The following HERC4 variants were observed in gnomAD, a reference collection of about 807,000 sequenced individuals.
HERC4 encodes the protein probable E3 ubiquitin-protein ligase HERC4.
Under a neutral mutation model 124.3 loss-of-function variants are expected in HERC4, and 28 were observed. That is an observed-to-expected ratio of 0.23 (90% CI 0.17 to 0.31). The LOEUF (loss-of-function observed/expected upper bound fraction) is 0.31, where lower values mean the gene tolerates loss of function less well. Ranked by LOEUF, HERC4 falls within the 10% of genes least tolerant of loss-of-function variation. The probability of loss-of-function intolerance (pLI) is 1.00; values close to 1 mark genes in which losing one functional copy is unlikely to be tolerated. For synonymous variants in HERC4, 407 were observed against 421.5 expected (o/e 0.97, Z 0.42); for missense variants, 713 against 1,229.3 (o/e 0.58, Z 6.28).
At chr10:68,039,728 G>C (rs1474581867) in intron 4 of HERC4, 1 of 1,306,040 alleles carries the variant, frequency 7.7e-7, no homozygotes, top group Non-Finnish European at 9.8e-7. Context: ...TGCAAACAGA[G>C]TAAGGAATAA....
intron 19 of HERC4, among the ~76,000 whole-genome samples, chr10:67,942,533 T>C (rs1159874873): frequency 6.6e-6 from 1 of 152,134 alleles, no homozygotes; most frequent in African/African-American, 2.4e-5. Context: ...GTTTTTGAGA[T>C]GGAGTTTCAC....
intron 3 of HERC4, among the ~76,000 whole-genome samples, chr10:68,047,635 T>C (rs1169207911): frequency 2.0e-5 from 3 of 152,204 alleles, no homozygotes; most frequent in Non-Finnish European, 2.9e-5. Context: ...ATTTAACTTA[T>C]ATGTTCAACT....
chr10:68,015,428 G>C (rs760721646), intron 8 of HERC4, among the ~76,000 whole-genome samples: 1 of 152,172 alleles, frequency 6.6e-6, no homozygotes. Flanking sequence ...CTAGGTTTTG[G>C]AGTCGTTCTG....
At chr10:67,983,075 C>CAAAAA (rs60021463) in intron 15 of HERC4, among the ~76,000 whole-genome samples, 3 of 76,770 alleles carry the variant, frequency 3.9e-5, no homozygotes, top group Non-Finnish European at 8.7e-5. Context: ...TTGCACTGAG[C>CAAAAA]AAAAAAAAAA....
intron 3 of HERC4, among the ~76,000 whole-genome samples, chr10:68,058,195 C>G (rs1176417312): frequency 6.6e-6 from 1 of 152,082 alleles, no homozygotes; most frequent in Non-Finnish European, 1.5e-5. Flanking sequence ...AGCATTACCT[C>G]TAAGTACCAT....
chr10:67,996,713 G>T, intron 9 of HERC4, among the ~76,000 whole-genome samples: 1 of 151,974 alleles, frequency 6.6e-6, no homozygotes, highest in Admixed American at 6.6e-5. Context: ...GGCCAGGCGC[G>T]GTGGCTCACA....
intron 24 of HERC4, among the ~76,000 whole-genome samples, chr10:67,924,445 A>G (rs934786589): frequency 2.0e-5 from 3 of 152,156 alleles, no homozygotes; most frequent in Non-Finnish European, 4.4e-5. Flanking sequence ...CTAGGCTACA[A>G]ACCTGTACAG....
chr10:68,061,879 T>TAAAAA (rs71470503), intron 3 of HERC4, among the ~76,000 whole-genome samples: 738 of 54,816 alleles, frequency 0.013, 28 homozygotes, highest in East Asian at 0.061. Context: ...AGACTCCATT[T>TAAAAA]AAAAAAAAAA....
At chr10:68,061,510 G>A (rs976185913) in intron 3 of HERC4, among the ~76,000 whole-genome samples, 4 of 132,704 alleles carry the variant, frequency 3.0e-5, no homozygotes, top group African/African-American at 1.1e-4. Context: ...TCCAGCCTGG[G>A]CGACAGAGCA....
intron 19 of HERC4, among the ~76,000 whole-genome samples, chr10:67,945,717 T>C (rs4303129): frequency 0.54 from 81,680 of 151,772 alleles, 23,581 homozygotes; most frequent in Non-Finnish European, 0.66. Context: ...AAGCATAAAG[T>C]TTTTATTAGT....
chr10:67,952,894 A>C lies in HERC4; in HGVS notation c.2337+1701T>G, dbSNP rs2033896415. On this transcript the variant is annotated intron_variant, in intron 19 of 24. Coordinates refer to ENST00000373700, the MANE Select transcript of HERC4 (RefSeq NM_015601.4). ...CAGCCTGGGCGACAGAGGGAGACTCAGTCTCAAAAAAAAAGAAAAAAAAAA... is the reference window on the plus strand; with the variant it reads ...CAGCCTGGGCGACAGAGGGAGACTCCGTCTCAAAAAAAAAGAAAAAAAAAA... Among the ~76,000 whole-genome samples, 2 of 150,308 alleles carry C rather than the reference A, an allele frequency of 1.3e-5. 1 individual carries two copies. Among genetic ancestry groups the C allele is most frequent in the Admixed American group, 1.3e-4 (2 of 15,074 alleles).
chr10:67,977,300 A>G (rs2035651210), intron 15 of HERC4, among the ~76,000 whole-genome samples: 2 of 152,178 alleles, frequency 1.3e-5, no homozygotes, highest in South Asian at 4.1e-4. Flanking sequence ...ATTTCTAGAT[A>G]CACAGTGGCC....
chr10:68,070,218 G>A (rs529314154), intron 3 of HERC4: 1 of 983,682 alleles, frequency 1.0e-6, no homozygotes, highest in East Asian at 1.1e-4. Flanking sequence ...TTTAAAAAGG[G>A]GTTGGGGAAA....
At chr10:68,024,188 G>A (rs2038786920) in intron 8 of HERC4, among the ~76,000 whole-genome samples, 1 of 151,986 alleles carries the variant, frequency 6.6e-6, no homozygotes, top group Admixed American at 6.6e-5. Flanking sequence ...ATATGAAAAG[G>A]TACTCAAGTA....
intron 19 of HERC4, among the ~76,000 whole-genome samples, chr10:67,945,280 C>T (rs1188692637): frequency 6.6e-6 from 1 of 152,120 alleles, no homozygotes; most frequent in Non-Finnish European, 1.5e-5. Context: ...CCTTACAGGC[C>T]AGGAGAATGG....
chr10:68,060,429 T>C (rs980726504), intron 3 of HERC4, among the ~76,000 whole-genome samples: 3 of 152,108 alleles, frequency 2.0e-5, no homozygotes, highest in African/African-American at 7.2e-5. Flanking sequence ...TTAGTAGAGA[T>C]GGAGTTTCAC....
intron 4 of HERC4, among the ~76,000 whole-genome samples, chr10:68,041,981 G>A (rs2039790078): frequency 6.6e-6 from 1 of 152,040 alleles, no homozygotes; most frequent in South Asian, 2.1e-4. Context: ...TGTCACAAAA[G>A]TATAACCTAA....
chr10:68,022,239 C>T (rs1312964301), intron 8 of HERC4, among the ~76,000 whole-genome samples: 1 of 152,124 alleles, frequency 6.6e-6, no homozygotes, highest in Admixed American at 6.5e-5. Flanking sequence ...GGGGCTCACG[C>T]CTGTAATCCC....
At chr10:68,005,695 G>C (rs1421730498) in intron 9 of HERC4, among the ~76,000 whole-genome samples, 1 of 147,608 alleles carries the variant, frequency 6.8e-6, no homozygotes, top group African/African-American at 2.5e-5. Flanking sequence ...AATTTTCTGT[G>C]CATCTATTAA....
Sources: allele counts gnomAD v4.1 joint callset (sites outside exome capture counted in the v4.1 genomes callset), GRCh38; gene constraint gnomAD v4.1.1; transcripts MANE v1.5; gene names NCBI Gene and HGNC (gene_info 2026-07-23, HGNC 2026-07-21).